PPARGC1A: variants seen among roughly 807,000 people sequenced by gnomAD.
The protein encoded by PPARGC1A is PPARG coactivator 1 alpha.
A neutral mutation model predicts 88.7 loss-of-function variants in PPARGC1A; 25 were observed. That is an observed-to-expected ratio of 0.28 (90% CI 0.21 to 0.39). PPARGC1A has a LOEUF of 0.39. PPARGC1A is among the 10% of genes least tolerant of loss of function. The probability of loss-of-function intolerance (pLI) is 1.00; values close to 1 mark genes in which losing one functional copy is unlikely to be tolerated. For missense variants in PPARGC1A, 880 were observed against 968.7 expected, an observed-to-expected ratio of 0.91 and a Z score of 1.22; for synonymous variants, 363 against 355.6, an observed-to-expected ratio of 1.02 and a Z score of -0.24.
chr4:23,947,267 T>C, the PPARGC1A span, among the ~76,000 whole-genome samples: 10 of 151,006 alleles, frequency 6.6e-5, no homozygotes, highest in African/African-American at 2.2e-4. Flanking sequence ...CCAAGCACTA[T>C]AGTAAGTGCT....
the PPARGC1A span, among the ~76,000 whole-genome samples, chr4:24,044,240 T>C: frequency 6.6e-6 from 1 of 152,190 alleles, no homozygotes; most frequent in Admixed American, 6.5e-5. Flanking sequence ...TTCCTGAGCA[T>C]TCACTTACAT....
intron 9 of PPARGC1A, 76 bp from the exon 10 acceptor site, chr4:23,812,943 G>GTA: frequency 6.2e-7 from 1 of 1,612,258 alleles, no homozygotes; most frequent in Admixed American, 1.7e-5. Context: ...ATGGGGAGGG[G>GTA]TATAGGGTTT....
At chr4:23,913,261 T>G in the PPARGC1A span, among the ~76,000 whole-genome samples, 177 of 54,536 alleles carry the variant, frequency 3.2e-3, no homozygotes, top group Non-Finnish European at 4.9e-3. Flanking sequence ...TATATATATA[T>G]ATATATAGAG....
the PPARGC1A span, among the ~76,000 whole-genome samples, chr4:24,259,837 T>A: frequency 4.4e-3 from 677 of 152,276 alleles, 7 homozygotes; most frequent in African/African-American, 0.015. Flanking sequence ...TGAATCATCA[T>A]AGATTTTTTC....
At chr4:23,845,357 C>G (rs1443079215) in intron 2 of PPARGC1A, among the ~76,000 whole-genome samples, 1 of 152,112 alleles carries the variant, frequency 6.6e-6, no homozygotes, top group East Asian at 1.9e-4. Context: ...TTCATAAAGA[C>G]TTAGCACCAC....
chr4:23,900,735 G>C (rs1380935607), upstream of PPARGC1A, among the ~76,000 whole-genome samples: 1 of 152,200 alleles, frequency 6.6e-6, no homozygotes, highest in Non-Finnish European at 1.5e-5. Flanking sequence ...GTTATCACAA[G>C]TTGTAGGAAT....
chr4:24,397,758 A>T, the PPARGC1A span, among the ~76,000 whole-genome samples: 8 of 152,248 alleles, frequency 5.3e-5, no homozygotes, highest in Non-Finnish European at 1.2e-4. Context: ...TTTTACTTGC[A>T]GCCAAATCTA....
the PPARGC1A span, among the ~76,000 whole-genome samples, chr4:24,230,379 TCTGAGGCCGGGTTGTA>T: frequency 6.6e-6 from 1 of 152,154 alleles, no homozygotes; most frequent in Non-Finnish European, 1.5e-5. Context: ...AGGACAAAGA[TCTGAGGCCGGGTTGTA>T]CAGGAGTCAG....
the PPARGC1A span, among the ~76,000 whole-genome samples, chr4:24,241,341 C>T: frequency 6.6e-6 from 1 of 152,186 alleles, no homozygotes; most frequent in African/African-American, 2.4e-5. Flanking sequence ...TCTTTTCTGG[C>T]AGCCAAGTTA....
At chr4:24,296,364 A>G in the PPARGC1A span, among the ~76,000 whole-genome samples, 2 of 152,114 alleles carry the variant, frequency 1.3e-5, no homozygotes, top group African/African-American at 4.8e-5. Context: ...ATTAACATAT[A>G]TTCTTCTCAC....
chr4:23,962,932 G>A, the PPARGC1A span, among the ~76,000 whole-genome samples: 1 of 152,134 alleles, frequency 6.6e-6, no homozygotes, highest in South Asian at 2.1e-4. Context: ...AAGAACACTC[G>A]CCACCTTTTT....
chr4:23,979,108 G>A, the PPARGC1A span, among the ~76,000 whole-genome samples: 8 of 152,056 alleles, frequency 5.3e-5, no homozygotes, highest in Non-Finnish European at 1.0e-4. Context: ...TATAAAAATC[G>A]TTTAACTCAA....
the PPARGC1A span, among the ~76,000 whole-genome samples, chr4:24,421,993 G>A: frequency 6.6e-6 from 1 of 152,162 alleles, no homozygotes; most frequent in Admixed American, 6.6e-5. Flanking sequence ...CAATATTGCA[G>A]ATGCTACTCA....
the PPARGC1A span, among the ~76,000 whole-genome samples, chr4:24,201,202 T>C: frequency 1.4e-3 from 220 of 152,308 alleles, no homozygotes; most frequent in Non-Finnish European, 2.4e-3. Flanking sequence ...CACTGTAAAA[T>C]AAAATTGGAG....
chr4:24,057,395 A>T, the PPARGC1A span, among the ~76,000 whole-genome samples: 1 of 151,696 alleles, frequency 6.6e-6, no homozygotes, highest in Non-Finnish European at 1.5e-5. Flanking sequence ...TGATGGTTAT[A>T]CAGCAATGTG....
the PPARGC1A span, among the ~76,000 whole-genome samples, chr4:23,972,916 C>A: frequency 6.6e-6 from 1 of 152,180 alleles, no homozygotes; most frequent in Admixed American, 6.5e-5. Flanking sequence ...CCATCTCAGA[C>A]TTCGACCTGT....
the PPARGC1A span, among the ~76,000 whole-genome samples, chr4:24,257,123 A>G: frequency 1.3e-5 from 2 of 152,128 alleles, no homozygotes; most frequent in Middle Eastern, 3.2e-3. Context: ...GGTTGGATTT[A>G]TGTTTAACTT....
the PPARGC1A span, among the ~76,000 whole-genome samples, chr4:24,267,577 A>C: frequency 6.6e-6 from 1 of 152,204 alleles, no homozygotes; most frequent in Non-Finnish European, 1.5e-5. Flanking sequence ...AATTCATGCC[A>C]GGAAGAATGA....
intron 2 of PPARGC1A, among the ~76,000 whole-genome samples, chr4:23,853,373 AG>A (rs1222672575): frequency 6.6e-6 from 1 of 152,212 alleles, no homozygotes; most frequent in Non-Finnish European, 1.5e-5. Flanking sequence ...AATGGTCCAA[AG>A]GACTATTACT....
Sources: gnomAD v4.1 joint callset for allele counts (sites outside exome capture counted in the v4.1 genomes callset) on GRCh38, gnomAD v4.1.1 for gene constraint, MANE v1.5 for transcripts, NCBI Gene and HGNC (gene_info 2026-07-23, HGNC 2026-07-21) for gene names.